FAM110A: variants seen among roughly 807,000 people sequenced by gnomAD.
FAM110A encodes protein FAM110A.
Under a neutral mutation model 4.0 loss-of-function variants are expected in FAM110A, and 1 was observed. That is an observed-to-expected ratio of 0.25 (90% CI 0.09 to 1.20). The LOEUF is 1.20. Ranked by LOEUF, FAM110A falls within the 50% of genes most tolerant of loss-of-function variation. The probability of loss-of-function intolerance (pLI) is 0.50; values close to 1 mark genes in which losing one functional copy is unlikely to be tolerated. For synonymous variants in FAM110A, 217 were observed against 196.8 expected (o/e 1.10, Z -0.86); for missense variants, 436 against 429.2 (o/e 1.02, Z -0.14).
chr20:845,158 G>A lies in FAM110A; in HGVS notation c.354G>A (p.Val118=). 6.4e-7 allele frequency: 1 copy of A among 1,572,792 alleles called. No homozygotes were observed. Among genetic ancestry groups the A allele is most frequent in the African/African-American group, 1.4e-5 (1 of 73,882 alleles). The change falls in exon 2 of 2, where the codon GTG becomes GTA. Residue 118 remains valine (V), a synonymous_variant. Transcript: ENST00000381941. ...TCATCGACTTGTGTGACAGCCCCGT[G>A]TCCCCTGCCGAGGCCAGCCGCACTC... The part of the protein sequence containing the change: ...SSLIDLCDSP[V]SPAEASRTPG...
chr20:840,687 A>G lies in FAM110A; in HGVS notation c.-97-4021A>G, dbSNP rs1350565387. On this transcript the variant is annotated intron_variant, in intron 1 of 1. Coordinates refer to ENST00000381941, the MANE Select transcript of FAM110A (RefSeq NM_001042353.3). This position sits in a 1 kb window ranked among gnomAD's most constrained non-coding sequence, Gnocchi z 4.4. ...AGGGATGGACTCTACACGTGACAGC[A>G]TGGAGCACCAGGAGGGTCCCGCAGC... Among the ~76,000 whole-genome samples, 1 of 152,196 alleles carries G rather than the reference A, an allele frequency of 6.6e-6. No individual in the cohort carries two copies. The highest frequency in any genetic ancestry group is 1.9e-4 in the East Asian group (1 of 5,194).
chr20:844,842 C>G lies in FAM110A; in HGVS notation c.38C>G (p.Ala13Gly). The change falls in exon 2 of 2, where the codon GCC (alanine) becomes GGC (glycine). Residue 13 changes from alanine to glycine, a missense_variant. Transcript: ENST00000381941. Reference protein sequence around the residue: ...VHTLSPGAPSAPALPCRLRTR... With the variant: ...VHTLSPGAPSGPALPCRLRTR... ...ACGCTGAGCCCCGGAGCCCCGTCCGCCCCCGCCCTACCTTGCCGCCTGCGG... is the reference window on the plus strand; with the variant it reads ...ACGCTGAGCCCCGGAGCCCCGTCCGGCCCCGCCCTACCTTGCCGCCTGCGG... 6.6e-7 allele frequency: 1 copy of G among 1,523,088 alleles called. No individual in the cohort carries two copies. Among genetic ancestry groups the G allele is most frequent in the East Asian group, 2.5e-5 (1 of 40,654 alleles). 94.3% of individuals were successfully genotyped at this position (1,523,088 alleles called of 1,614,324 possible).
intron 1 of FAM110A, among the ~76,000 whole-genome samples, chr20:837,202 G>A (rs1050212672): frequency 3.3e-5 from 5 of 151,938 alleles, no homozygotes; most frequent in Non-Finnish European, 5.9e-5. Flanking sequence ...ATAGGCCCCC[G>A]CCACCATGCT....
intron 1 of FAM110A, among the ~76,000 whole-genome samples, chr20:835,164 ATCTCTCTCTCTCTCTCTC>A (rs143746608): frequency 2.2e-5 from 3 of 136,282 alleles, no homozygotes; most frequent in African/African-American, 8.3e-5. Flanking sequence ...CAGTCCTCCC[ATCTCTCTCTCTCTCTCTC>A]TCTCTCTCTC....
Position 834,245 on chromosome 20 carries a change from C to T in FAM110A, c.-98+294C>T, listed in dbSNP as rs1042021934. Among the ~76,000 whole-genome samples the T allele has an allele frequency of 6.6e-6, 1 of 152,234 alleles. No individual in the cohort carries two copies. Among genetic ancestry groups the T allele is most frequent in the Non-Finnish European group, 1.5e-5 (1 of 68,038 alleles). ...CGTTTTATCGGCAGGGACCTGTAGA[C>T]CCCTGGCTGGATCACATATCCCCGC... On this transcript the variant is annotated intron_variant, in intron 1 of 1. Transcript: ENST00000381941. The surrounding 1 kb of genome is among the most constrained non-coding windows in gnomAD (Gnocchi z 5.6).
rs1331837879 is a variant in FAM110A, at chr20:834,468, C to T, written c.-98+517C>T. On this transcript the variant is annotated intron_variant, in intron 1 of 1. Coordinates refer to ENST00000381941, the MANE Select transcript of FAM110A (RefSeq NM_001042353.3). This position sits in a 1 kb window ranked among gnomAD's most constrained non-coding sequence, Gnocchi z 5.6. ...CAGCCCCCAGAGCCGCTGCTGGCCT[C>T]TTGGGAATCATCCCCAGTTTGGGGA... Among the ~76,000 whole-genome samples the T allele has an allele frequency of 6.6e-6, 1 of 152,204 alleles. No homozygotes were observed. The highest frequency in any genetic ancestry group is 1.5e-5 in the Non-Finnish European group (1 of 68,032).
Position 844,835 on chromosome 20 carries a change from C to T in FAM110A, c.31C>T (p.Pro11Ser). Residue 11 changes from proline (P) to serine (S), a missense_variant, in exon 2 of 2, where the codon CCG becomes TCG. Physicochemically the swap from Pro to Ser is moderately conservative, Grantham distance 74. Transcript: ENST00000381941. MPVHTLSPGA[P>S]SAPALPCRLR... Reference sequence around the variant, plus strand: ...TGTGCACACGCTGAGCCCCGGAGCCCCGTCCGCCCCCGCCCTACCTTGCCG... The same window carrying T: ...TGTGCACACGCTGAGCCCCGGAGCCTCGTCCGCCCCCGCCCTACCTTGCCG... 6 of 1,515,866 alleles carry T rather than the reference C, an allele frequency of 4.0e-6. No individual in the cohort carries two copies. The highest frequency in any genetic ancestry group is 5.3e-6 in the Non-Finnish European group (6 of 1,132,290). 93.9% of individuals were successfully genotyped at this position (1,515,866 alleles called of 1,614,324 possible).
Position 845,888 on chromosome 20 carries a change from C to T in FAM110A, c.*196C>T. The T allele has an allele frequency of 1.6e-6, 2 of 1,221,206 alleles. No homozygotes were observed. The highest frequency in any genetic ancestry group is 2.2e-6 in the Non-Finnish European group (2 of 895,438). The allele number at this position is 1,221,206 out of a possible 1,614,324, so 75.6% of individuals were successfully genotyped here. On this transcript the variant is annotated 3_prime_UTR_variant, in exon 2 of 2. Coordinates refer to ENST00000381941, the MANE Select transcript of FAM110A (RefSeq NM_001042353.3). ...GACTCTCCAAGGGTTTTGTTCTTGG[C>T]TTTGGACACCTGAGAACCCCCTCCT... is the stretch of plus-strand genomic sequence containing the variant.
At chr20:844,675 C>G in intron 1 of FAM110A, 33 bp from the exon 2 acceptor site, 9 of 1,125,060 alleles carry the variant, frequency 8.0e-6, no homozygotes, top group Non-Finnish European at 1.0e-5. Context: ...GCGCGCTCGG[C>G]TTTTTTTTTT....
Position 840,452 on chromosome 20 carries a change from G to A in FAM110A, c.-97-4256G>A, listed in dbSNP as rs980729888. ...TGCAGTGAGTTATAGGACTTGGGGT[G>A]GAAGAGGTGACAGTCACCTCCCTCT... On this transcript the variant is annotated intron_variant, in intron 1 of 1. Transcript: ENST00000381941. The surrounding 1 kb of genome is among the most constrained non-coding windows in gnomAD (Gnocchi z 4.4). Among the ~76,000 whole-genome samples, 7 of 152,342 alleles carry A rather than the reference G, an allele frequency of 4.6e-5. No homozygotes were observed. The highest frequency in any genetic ancestry group is 3.9e-4 in the East Asian group (2 of 5,190).
In FAM110A at chr20:844,729, C is replaced by G; in HGVS notation, c.-76C>G. The G allele has an allele frequency of 1.5e-6, 2 of 1,357,340 alleles. No individual in the cohort carries two copies. 84.1% of individuals were successfully genotyped at this position (1,357,340 alleles called of 1,614,324 possible). A position where few individuals can be genotyped will look rare whatever the true frequency, so the allele number is the denominator to read the frequency against. On this transcript the variant is annotated 5_prime_UTR_variant, in exon 2 of 2. Transcript: ENST00000381941. The stretch of plus-strand genomic sequence containing the variant: ...GCAGCAGTGGCCGGTGTCCAGCTGC[C>G]TACTTTCTGCCCGGATCTCTGGCTC...
At chr20:836,832 C>T (rs867031640) in intron 1 of FAM110A, among the ~76,000 whole-genome samples, 1 of 152,126 alleles carries the variant, frequency 6.6e-6, no homozygotes, top group Admixed American at 6.6e-5. Flanking sequence ...CAGCAGTGCA[C>T]AAAGTGCTAA....
chr20:842,504 C>T (rs1979989955), intron 1 of FAM110A, among the ~76,000 whole-genome samples: 1 of 152,138 alleles, frequency 6.6e-6, no homozygotes, highest in African/African-American at 2.4e-5. Flanking sequence ...AGGTCCTTCC[C>T]ACCTGAGGTC....
chr20:837,519 A>G (rs190008037), intron 1 of FAM110A, among the ~76,000 whole-genome samples: 61 of 152,378 alleles, frequency 4.0e-4, no homozygotes, highest in Non-Finnish European at 2.9e-5. Context: ...TTTGTCATGC[A>G]TGGACCTCAT....
chr20:839,879 C>T lies in FAM110A; in HGVS notation c.-97-4829C>T, dbSNP rs942440125. Reference sequence around the variant, plus strand: ...TGGGCACATTCTTGTCTGCCAGCTCCGGGTGCTTAGGCATGTGGACATCCT... The same window carrying T: ...TGGGCACATTCTTGTCTGCCAGCTCTGGGTGCTTAGGCATGTGGACATCCT... On this transcript the variant is annotated intron_variant, in intron 1 of 1. Transcript: ENST00000381941. 1.6e-4 allele frequency: 260 copies of T among 1,605,228 alleles called. 1 individual carries two copies. The highest frequency in any genetic ancestry group is 4.4e-4 in the South Asian group (40 of 90,888).
At position 845,264 on chromosome 20, in the gene FAM110A, G is replaced by C. The variant is rs1195255745; in HGVS notation, c.460G>C (p.Val154Leu). The change falls in exon 2 of 2, where the codon GTG (valine) becomes CTG (leucine). Residue 154 changes from valine (V) to leucine (L), a missense_variant. Transcript: ENST00000381941. Reference sequence around the variant, plus strand: ...GCCCAGTACCTCTGCGGTCCGCCGGGTGGACGTCCGCCCCCTGCCCGCCTC... The same window carrying C: ...GCCCAGTACCTCTGCGGTCCGCCGGCTGGACGTCCGCCCCCTGCCCGCCTC... ...PPPSTSAVRR[V>L]DVRPLPASPA... 17 of 1,490,302 alleles carry C rather than the reference G, an allele frequency of 1.1e-5. No individual in the cohort carries two copies. The highest frequency in any genetic ancestry group is 1.4e-5 in the Non-Finnish European group (16 of 1,123,684). The allele number at this position is 1,490,302 out of a possible 1,614,324, so 92.3% of individuals were successfully genotyped here.
At position 845,668 on chromosome 20, in the gene FAM110A, G is replaced by A; in HGVS notation, c.864G>A (p.Arg288=). 6.2e-7 allele frequency: 1 copy of A among 1,614,098 alleles called. No homozygotes were observed. ...IKWLYGLRQA[R]ESPAAEG ...GGTTGTATGGGCTAAGGCAGGCTCG[G>A]GAGAGCCCAGCAGCTGAAGGCTAGG... is the stretch of plus-strand genomic sequence containing the variant. The change falls in exon 2 of 2, where the codon CGG becomes CGA. Residue 288 remains arginine, a synonymous_variant. Transcript: ENST00000381941.
At position 845,961 on chromosome 20, in the gene FAM110A, T is replaced by G; in HGVS notation, c.*269T>G. ...TTGACATGAGTGTACTCCTGCTTAG[T>G]TCCTCTTGTGGGGCTGCATTTGCGG... On this transcript the variant is annotated 3_prime_UTR_variant, in exon 2 of 2. Transcript: ENST00000381941. The G allele has an allele frequency of 5.4e-6, 3 of 553,522 alleles. No homozygotes were observed. The highest frequency in any genetic ancestry group is 9.3e-6 in the Non-Finnish European group (3 of 321,790). The allele number at this position is 553,522 out of a possible 1,614,324, so 34.3% of individuals were successfully genotyped here. A position where few individuals can be genotyped will look rare whatever the true frequency, so the allele number is the denominator to read the frequency against.
At chr20:835,680 C>T (rs1022834954) in intron 1 of FAM110A, among the ~76,000 whole-genome samples, 1 of 152,204 alleles carries the variant, frequency 6.6e-6, no homozygotes, top group African/African-American at 2.4e-5. Flanking sequence ...GCAAGGCCAC[C>T]CTGAGCAAGG....
Sources: allele counts gnomAD v4.1 joint callset (sites outside exome capture counted in the v4.1 genomes callset), GRCh38; gene constraint gnomAD v4.1.1; non-coding constraint Gnocchi (gnomAD v3.1); transcripts MANE v1.5; gene names NCBI Gene and HGNC (gene_info 2026-07-23, HGNC 2026-07-21).